Variants in C7 observed in about 807,000 individuals in gnomAD.
C7 encodes complement component C7.
Under a neutral mutation model 104.8 loss-of-function variants are expected in C7, and 83 were observed. That is an observed-to-expected ratio of 0.79 (90% CI 0.66 to 0.95). The LOEUF is 0.95. Among genes scored for constraint, C7 ranks in the 40% least tolerant of loss-of-function variants. The pLI is 0.00. For synonymous variants in C7, 415 were observed against 360.6 expected (o/e 1.15, Z -1.71); for missense variants, 1,070 against 1,011.2 (o/e 1.06, Z -0.79).
chr5:40,947,654 A>G lies in C7; in HGVS notation c.791A>G (p.Asn264Ser). The change falls in exon 8 of 18, where the codon AAT becomes AGT. Residue 264 changes from asparagine to serine, a missense_variant. Asn to Ser is a conservative substitution (Grantham distance 46). Transcript: ENST00000313164. ...ENTVEVAQFINNNPEFLQLAE... is the reference protein window; with the variant it reads ...ENTVEVAQFISNNPEFLQLAE... ...ACTGTTGAAGTGGCTCAGTTCATTA[A>G]TAACAATCCAGAATTTTTACAACTT... 1 of 1,613,588 alleles carries G rather than the reference A, an allele frequency of 6.2e-7. No individual in the cohort carries two copies. Among genetic ancestry groups the G allele is most frequent in the Non-Finnish European group, 8.5e-7 (1 of 1,179,704 alleles).
intron 11 of C7, among the ~76,000 whole-genome samples, chr5:40,958,719 T>C (rs1281179470): frequency 6.6e-6 from 1 of 152,202 alleles, no homozygotes; most frequent in East Asian, 1.9e-4. Flanking sequence ...TATATGGTGC[T>C]TCAAGCACTT....
At chr5:40,954,977 GC>G in intron 9 of C7, 1 of 228,020 alleles carries the variant, frequency 4.4e-6, no homozygotes. Flanking sequence ...ACAATTGAGT[GC>G]AAAATACAGA....
chr5:40,940,006 T>C (rs560926919), intron 6 of C7, among the ~76,000 whole-genome samples: 43 of 152,098 alleles, frequency 2.8e-4, no homozygotes, highest in Non-Finnish European at 5.7e-4. Context: ...CTGAGGGAAG[T>C]GAAGTGGAAG....
Position 40,909,622 on chromosome 5 carries a change from A to G in C7, c.6+6A>G. 8 of 1,539,930 alleles carry G rather than the reference A, an allele frequency of 5.2e-6. No homozygotes were observed. Among genetic ancestry groups the G allele is most frequent in the Non-Finnish European group, 7.1e-6 (8 of 1,129,070 alleles). ...ATGTTTTCCCAAACATGAAGGTAAG[A>G]CAATAAATTCATTACTTTTGTAAAT... On this transcript the variant is annotated splice_donor_region_variant and intron_variant, in intron 1 of 17. Coordinates refer to ENST00000313164, the MANE Select transcript of C7 (RefSeq NM_000587.4).
At chr5:40,910,124 A>G (rs2111598700) in intron 1 of C7, among the ~76,000 whole-genome samples, 1 of 152,218 alleles carries the variant, frequency 6.6e-6, no homozygotes, top group African/African-American at 2.4e-5. Flanking sequence ...TGAGAATAGA[A>G]GATATGAGTA....
intron 12 of C7, among the ~76,000 whole-genome samples, chr5:40,960,553 ATC>A (rs1190078626): frequency 6.6e-6 from 1 of 151,984 alleles, no homozygotes; most frequent in Non-Finnish European, 1.5e-5. Context: ...CTGGGAGGAG[ATC>A]TCTGAGAGGA....
chr5:40,923,769 AG>A (rs1739493013), intron 1 of C7, among the ~76,000 whole-genome samples: 1 of 151,300 alleles, frequency 6.6e-6, no homozygotes, highest in Admixed American at 6.6e-5. Context: ...AGTATGCGAG[AG>A]GGGGAAAATG....
At position 40,958,251 on chromosome 5, in the gene C7, G is replaced by T; in HGVS notation, c.1479G>T (p.Gly493=). Residue 493 remains glycine (G), a synonymous_variant, in exon 11 of 18, where the codon GGG becomes GGT. Transcript: ENST00000313164. The part of the protein sequence containing the change: ...GAACEQGVLV[G]NQAGGVDGGW... Reference sequence around the variant, plus strand: ...CGTGTGAGCAAGGAGTCCTCGTAGGGAATCAAGCAGGTCAGTGGGGTGAAT... The same window carrying T: ...CGTGTGAGCAAGGAGTCCTCGTAGGTAATCAAGCAGGTCAGTGGGGTGAAT... 1 of 1,601,056 alleles carries T rather than the reference G, an allele frequency of 6.2e-7. No individual in the cohort carries two copies. The highest frequency in any genetic ancestry group is 2.2e-5 in the East Asian group (1 of 44,782).
chr5:40,935,900 G>T (rs534727273), intron 4 of C7, among the ~76,000 whole-genome samples: 25 of 152,242 alleles, frequency 1.6e-4, no homozygotes, highest in Admixed American at 1.4e-3. Context: ...CGGAAATGTT[G>T]AATTTTAACC....
chr5:40,928,505 A>C (rs978505731), intron 1 of C7, 75 bp from the exon 2 acceptor site: 17 of 823,250 alleles, frequency 2.1e-5, no homozygotes, highest in Non-Finnish European at 3.3e-5. Context: ...AAATTTATAC[A>C]ATTATAAATT....
At position 40,937,593 on chromosome 5, in the gene C7, A is replaced by C; in HGVS notation, c.470A>C (p.Asn157Thr). Residue 157 changes from asparagine to threonine, a missense_variant, in exon 6 of 18, where the codon AAT becomes ACT. Coordinates refer to ENST00000313164, the MANE Select transcript of C7 (RefSeq NM_000587.4). ...GGCCAGTTTAGGAACAGAGTCATCAATACCAAAAGTTTTGGTGGTCAATGT... is the reference window on the plus strand; with the variant it reads ...GGCCAGTTTAGGAACAGAGTCATCACTACCAAAAGTTTTGGTGGTCAATGT... ...LTGQFRNRVI[N>T]TKSFGGQCRK... is the part of the protein sequence containing the mutation. The C allele has an allele frequency of 6.2e-7, 1 of 1,612,622 alleles. No individual in the cohort carries two copies. Among genetic ancestry groups the C allele is most frequent in the South Asian group, 1.1e-5 (1 of 90,940 alleles).
intron 1 of C7, among the ~76,000 whole-genome samples, chr5:40,920,738 A>G (rs1579838506): frequency 6.6e-6 from 1 of 152,160 alleles, no homozygotes; most frequent in African/African-American, 2.4e-5. Context: ...CTTTTAAACA[A>G]CATGAACTTA....
chr5:40,937,801 A>C, intron 6 of C7, 111 bp downstream of exon 6: 2 of 880,736 alleles, frequency 2.3e-6, no homozygotes, highest in East Asian at 5.6e-5. Flanking sequence ...ATGTGTGGTC[A>C]ATTTTTATAA....
At position 40,955,666 on chromosome 5, in the gene C7, C is replaced by G. The variant is rs1239101718; in HGVS notation, c.1260+113C>G. The G allele has an allele frequency of 3.6e-6, 3 of 837,726 alleles. No homozygotes were observed. The African/African-American group carries it at 5.1e-5, about 14-fold the overall frequency. 51.9% of individuals were successfully genotyped at this position (837,726 alleles called of 1,614,324 possible). A position where few individuals can be genotyped will look rare whatever the true frequency, so the allele number is the denominator to read the frequency against. ...CAGACATGGCTGTAATTAGCATTTT[C>G]CGTATCCCAATTATATTTTGTAGAG... On this transcript the variant is annotated intron_variant, in intron 10 of 17. Coordinates refer to ENST00000313164, the MANE Select transcript of C7 (RefSeq NM_000587.4).
chr5:40,956,272 G>A (rs909646179), intron 10 of C7, among the ~76,000 whole-genome samples: 6 of 152,190 alleles, frequency 3.9e-5, no homozygotes, highest in Non-Finnish European at 7.3e-5. Context: ...AGCTTTCTGG[G>A]TTTTGGAAGG....
intron 2 of C7, among the ~76,000 whole-genome samples, chr5:40,929,316 A>G (rs6874550): frequency 0.13 from 20,353 of 152,138 alleles, 3,038 homozygotes; most frequent in African/African-American, 0.37. Flanking sequence ...AAGGTCAAGC[A>G]AACTTCCTCT....
chr5:40,967,168 C>T (rs192933775), intron 14 of C7, among the ~76,000 whole-genome samples: 9 of 151,430 alleles, frequency 5.9e-5, no homozygotes, highest in South Asian at 2.1e-4. Flanking sequence ...TGGGTTCAAG[C>T]GATTCTCCTA....
chr5:40,921,403 A>G (rs922914843), intron 1 of C7, among the ~76,000 whole-genome samples: 4 of 152,146 alleles, frequency 2.6e-5, no homozygotes, highest in East Asian at 3.9e-4. Flanking sequence ...TACAGATTCA[A>G]TGTAATCTCT....
At chr5:40,938,465 T>C (rs569102317) in intron 6 of C7, among the ~76,000 whole-genome samples, 100 of 152,338 alleles carry the variant, frequency 6.6e-4, no homozygotes, top group Non-Finnish European at 1.1e-3. Flanking sequence ...TTTTTTCTTA[T>C]GAAAATGCCT....
Sources: allele counts gnomAD v4.1 joint callset (sites outside exome capture counted in the v4.1 genomes callset), GRCh38; gene constraint gnomAD v4.1.1; transcripts MANE v1.5; gene names NCBI Gene and HGNC (gene_info 2026-07-23, HGNC 2026-07-21).